CLEC16A: variants seen among roughly 807,000 people sequenced by gnomAD.
CLEC16A encodes C-type lectin domain containing 16A, also known as protein CLEC16A.
A neutral mutation model predicts 109.5 loss-of-function variants in CLEC16A; 51 were observed. The observed-to-expected ratio is 0.47, with a 90% confidence interval of 0.37 to 0.59. CLEC16A has a LOEUF of 0.59. Among genes scored for constraint, CLEC16A ranks in the 20% least tolerant of loss-of-function variants. The probability of loss-of-function intolerance (pLI) is 0.00; values close to 1 mark genes in which losing one functional copy is unlikely to be tolerated. For synonymous variants in CLEC16A, 673 were observed against 564.2 expected (o/e 1.19, Z -2.73); for missense variants, 1,339 against 1,394.0 (o/e 0.96, Z 0.63).
intron 13 of CLEC16A, chr16:11,027,706 T>C (rs2046492875): frequency 8.2e-6 from 13 of 1,580,652 alleles, no homozygotes; most frequent in Non-Finnish European, 1.1e-5. Flanking sequence ...CTCAAGGAGA[T>C]GGGCACACTT....
intron 10 of CLEC16A, among the ~76,000 whole-genome samples, chr16:10,992,167 T>G (rs1291589024): frequency 6.6e-6 from 1 of 152,148 alleles, no homozygotes; most frequent in Non-Finnish European, 1.5e-5. Context: ...ATACAATACC[T>G]TACTGTTAAC....
intron 10 of CLEC16A, among the ~76,000 whole-genome samples, chr16:10,998,003 G>T (rs147247480): frequency 6.6e-6 from 1 of 152,126 alleles, no homozygotes; most frequent in African/African-American, 2.4e-5. Flanking sequence ...GTCTCCTCTC[G>T]TTCACTCAGG....
At chr16:10,952,842 A>T (rs1051593119) in intron 1 of CLEC16A, among the ~76,000 whole-genome samples, 2 of 152,232 alleles carry the variant, frequency 1.3e-5, no homozygotes, top group African/African-American at 2.4e-5. Flanking sequence ...AGCATAAAAA[A>T]ATGTCGACTA....
At chr16:11,002,611 C>G (rs2044733155) in intron 10 of CLEC16A, among the ~76,000 whole-genome samples, 1 of 152,120 alleles carries the variant, frequency 6.6e-6, no homozygotes, top group Non-Finnish European at 1.5e-5. Context: ...GTAATGCGCA[C>G]TGGACCCACC....
chr16:11,103,370 A>G (rs2152988173), intron 19 of CLEC16A, among the ~76,000 whole-genome samples: 1 of 152,336 alleles, frequency 6.6e-6, no homozygotes, highest in Non-Finnish European at 1.5e-5. Flanking sequence ...ACCTGAGATC[A>G]GGGGTTTGAG....
At chr16:11,008,403 T>C (rs1489516500) in intron 11 of CLEC16A, among the ~76,000 whole-genome samples, 1 of 152,156 alleles carries the variant, frequency 6.6e-6, no homozygotes. Flanking sequence ...CCGGGCGAGT[T>C]GTTAAATTAT....
chr16:11,074,728 G>T (rs1210698186), intron 19 of CLEC16A, among the ~76,000 whole-genome samples: 4 of 152,194 alleles, frequency 2.6e-5, no homozygotes, highest in Non-Finnish European at 4.4e-5. Flanking sequence ...ATGTATTGAA[G>T]TGGCTCTAGG....
chr16:11,154,312 T>A (rs2054417518), intron 22 of CLEC16A, among the ~76,000 whole-genome samples: 1 of 152,248 alleles, frequency 6.6e-6, no homozygotes, highest in African/African-American at 2.4e-5. Flanking sequence ...TGGTTCAAGC[T>A]CATCCATTCA....
intron 22 of CLEC16A, among the ~76,000 whole-genome samples, chr16:11,143,234 T>A (rs533658076): frequency 1.4e-4 from 21 of 152,338 alleles, no homozygotes; most frequent in African/African-American, 4.3e-4. Context: ...CACCCATTAC[T>A]AATGCATTTA....
chr16:11,159,674 G>A (rs188516609), intron 22 of CLEC16A, among the ~76,000 whole-genome samples: 1 of 152,316 alleles, frequency 6.6e-6, no homozygotes, highest in East Asian at 1.9e-4. Context: ...GGGTTTCATG[G>A]GACAGAAACC....
At chr16:11,140,198 C>T (rs993656502) in intron 22 of CLEC16A, among the ~76,000 whole-genome samples, 1 of 152,166 alleles carries the variant, frequency 6.6e-6, no homozygotes, top group Non-Finnish European at 1.5e-5. Context: ...TTTCTGAGCA[C>T]GATGACCTCA....
At chr16:11,125,761 G>A (rs955747410) in intron 21 of CLEC16A, among the ~76,000 whole-genome samples, 4 of 152,128 alleles carry the variant, frequency 2.6e-5, no homozygotes, top group Admixed American at 6.5e-5. Context: ...ACCTTGGCCC[G>A]AAGCCCTCAC....
At position 11,024,885 on chromosome 16, in the gene CLEC16A, G is replaced by A. The variant is rs202155030; in HGVS notation, c.1501G>A (p.Val501Met). ...SPDDDYHALFVLCLLYAMSHN... is the reference protein window; with the variant it reads ...SPDDDYHALFMLCLLYAMSHN... ...GGATGATGATTACCATGCCCTGTTC[G>A]TGCTCTGCCTCCTCTATGCCATGTC... The change falls in exon 13 of 24, where the codon GTG (valine) becomes ATG (methionine). Residue 501 changes from valine to methionine, a missense_variant. Val to Met is a conservative substitution (Grantham distance 21). This residue lies in a region of CLEC16A where 1,061 missense variants were observed against 1,006.8 expected (regional missense o/e 1.05). Coordinates refer to ENST00000409790, the MANE Select transcript of CLEC16A (RefSeq NM_015226.3). The A allele has an allele frequency of 1.9e-4, 305 of 1,609,868 alleles. 1 individual carries two copies. Among genetic ancestry groups the A allele is most frequent in the Non-Finnish European group, 2.4e-4 (285 of 1,178,196 alleles).
At chr16:11,088,645 A>G (rs1291124340) in intron 19 of CLEC16A, among the ~76,000 whole-genome samples, 1 of 152,066 alleles carries the variant, frequency 6.6e-6, no homozygotes, top group Non-Finnish European at 1.5e-5. Context: ...TTCTCCAGAG[A>G]GGGCTGTGAT....
intron 22 of CLEC16A, among the ~76,000 whole-genome samples, chr16:11,145,439 C>A (rs549195402): frequency 6.6e-6 from 1 of 152,362 alleles, no homozygotes; most frequent in South Asian, 2.1e-4. Context: ...GCATCCAGTC[C>A]CTCCCCAAGC....
intron 11 of CLEC16A, among the ~76,000 whole-genome samples, chr16:11,018,748 C>CAAAAAAA (rs56911220): frequency 7.3e-5 from 7 of 96,276 alleles, no homozygotes; most frequent in Non-Finnish European, 1.0e-4. Flanking sequence ...GACTCCATCT[C>CAAAAAAA]AAAAAAAAAA....
chr16:11,032,324 G>C (rs1324550039), intron 13 of CLEC16A, among the ~76,000 whole-genome samples: 1 of 152,240 alleles, frequency 6.6e-6, no homozygotes, highest in Admixed American at 6.5e-5. Flanking sequence ...TATGAGCCGT[G>C]TGGGGCTGCT....
At chr16:11,060,637 T>A (rs1489242170) in intron 18 of CLEC16A, among the ~76,000 whole-genome samples, 1 of 152,176 alleles carries the variant, frequency 6.6e-6, no homozygotes, top group Non-Finnish European at 1.5e-5. Flanking sequence ...GACAAGGTCC[T>A]GGCAGATGAC....
At chr16:11,084,358 A>G (rs917585892) in intron 19 of CLEC16A, among the ~76,000 whole-genome samples, 4 of 152,162 alleles carry the variant, frequency 2.6e-5, no homozygotes, top group African/African-American at 9.7e-5. Context: ...GTGGGTACCA[A>G]GCTGCTTGGG....
Sources: gnomAD v4.1 joint callset for allele counts (sites outside exome capture counted in the v4.1 genomes callset) on GRCh38, gnomAD v4.1.1 for gene constraint, gnomAD v4.1.1 regional missense constraint, MANE v1.5 for transcripts, NCBI Gene and HGNC (gene_info 2026-07-23, HGNC 2026-07-21) for gene names.